Variants in ABCB4 observed in about 807,000 individuals in gnomAD.
The protein encoded by ABCB4 is phosphatidylcholine translocator ABCB4.
ABCB4 carries 76 observed loss-of-function variants against 145.7 expected under a neutral mutation model. The ratio of observed to expected loss-of-function variants is 0.52; its 90% CI spans 0.43 to 0.63. The LOEUF (loss-of-function observed/expected upper bound fraction) is 0.63, where lower values mean the gene tolerates loss of function less well. ABCB4 is among the 30% of genes least tolerant of loss of function. ABCB4 has a pLI of 0.00. For synonymous variants in ABCB4, 517 were observed against 566.8 expected (o/e 0.91, Z 1.25); for missense variants, 1,234 against 1,553.1 (o/e 0.79, Z 3.45).
chr7:87,400,754 C>T (rs1481137433), downstream of ABCB4, among the ~76,000 whole-genome samples: 1 of 152,214 alleles, frequency 6.6e-6, no homozygotes, highest in African/African-American at 2.4e-5. Flanking sequence ...ACTTGGGATG[C>T]TCAGCCAGTG....
chr7:87,429,876 T>C (rs922654544), intron 15 of ABCB4, among the ~76,000 whole-genome samples: 7 of 151,164 alleles, frequency 4.6e-5, no homozygotes, highest in Admixed American at 4.0e-4. Flanking sequence ...GTAACCACCA[T>C]TTATCATCAT....
the ABCB4 span, chr7:87,391,804 T>G: frequency 7.8e-7 from 1 of 1,279,712 alleles, no homozygotes; most frequent in African/African-American, 1.6e-5. Context: ...TTGCTTCAGT[T>G]TTCCTGGATC....
intron 8 of ABCB4, among the ~76,000 whole-genome samples, chr7:87,449,456 C>G (rs971369352): frequency 6.6e-6 from 1 of 151,074 alleles, no homozygotes; most frequent in Non-Finnish European, 1.5e-5. Context: ...AAAATTTTTA[C>G]TCTTTTTTTG....
chr7:87,457,185 G>A (rs941366879), intron 4 of ABCB4, among the ~76,000 whole-genome samples: 4 of 152,152 alleles, frequency 2.6e-5, no homozygotes, highest in African/African-American at 9.7e-5. Context: ...TTGGGAGGCT[G>A]AGGCGGGAGG....
chr7:87,369,371 TC>T, the ABCB4 span: 1 of 1,591,286 alleles, frequency 6.3e-7, no homozygotes, highest in Non-Finnish European at 8.6e-7. Context: ...TGTTTCTGTT[TC>T]CAGAGAGTGA....
chr7:87,459,218 A>G (rs1812296593), intron 4 of ABCB4, among the ~76,000 whole-genome samples: 1 of 152,174 alleles, frequency 6.6e-6, no homozygotes, highest in Non-Finnish European at 1.5e-5. Flanking sequence ...TGTTAAGTAT[A>G]TTCACACTGT....
chr7:87,413,618 T>C lies in ABCB4; in HGVS notation c.2782A>G (p.Arg928Gly), dbSNP rs2116424316. The C allele has an allele frequency of 6.3e-7, 1 of 1,581,026 alleles. No homozygotes were observed. The highest frequency in any genetic ancestry group is 8.7e-7 in the Non-Finnish European group (1 of 1,151,166). The change falls in exon 22 of 28, where the codon AGG (arginine) becomes GGG (glycine). Residue 928 changes from arginine to glycine, a missense_variant and splice_region_variant. Arg to Gly is a moderately radical substitution (Grantham distance 125, BLOSUM62 -2). This residue lies in a region of ABCB4 where 301 missense variants were observed against 389.0 expected (regional missense o/e 0.77). Coordinates refer to ENST00000649586, the MANE Select transcript of ABCB4 (RefSeq NM_000443.4). ...MYVEKLYGPY[R>G]NSVQKAHIYG... is the part of the protein sequence containing the mutation. ...AGCAGGAATCATATGGTTCATTACC[T>C]GTAAGGTCCATACAATTTTTCAACA...
At position 87,439,806 on chromosome 7, in the gene ABCB4, G is replaced by A. The variant is rs144302326; in HGVS notation, c.1592C>T (p.Ala531Val). Residue 531 changes from alanine (A) to valine (V), a missense_variant, in exon 14 of 28, where the codon GCC becomes GTC. Ala to Val is a moderately conservative substitution (Grantham distance 64). This residue lies in a region of ABCB4 where 467 missense variants were observed against 632.8 expected (regional missense o/e 0.74). Transcript: ENST00000649586. ...KFDTLVGERG[A>V]QLSGGQKQRI... is the part of the protein sequence containing the mutation. ...CTGCTTCTGCCCACCACTCAGCTGG[G>A]CCCCTCTCTCTCCAACCAGGGTGTC... 3.1e-5 allele frequency: 50 copies of A among 1,614,040 alleles called. No homozygotes were observed. The highest frequency in any genetic ancestry group is 3.9e-5 in the Non-Finnish European group (46 of 1,180,044).
intron 3 of ABCB4, among the ~76,000 whole-genome samples, chr7:87,466,643 CAG>C (rs1812926137): frequency 6.6e-6 from 1 of 152,104 alleles, no homozygotes; most frequent in Non-Finnish European, 1.5e-5. Flanking sequence ...TAAGAGCATG[CAG>C]AGAGAAAGGT....
At chr7:87,374,442 G>A in the ABCB4 span, among the ~76,000 whole-genome samples, 1 of 152,040 alleles carries the variant, frequency 6.6e-6, no homozygotes, top group Non-Finnish European at 1.5e-5. Flanking sequence ...GTGCTTTGAG[G>A]TAGTTGGTAA....
chr7:87,445,286 C>T (rs1811269928), intron 9 of ABCB4, among the ~76,000 whole-genome samples: 2 of 152,136 alleles, frequency 1.3e-5, no homozygotes, highest in African/African-American at 4.8e-5. Context: ...TTATTCCATC[C>T]TATATGATTT....
chr7:87,467,588 A>G (rs1261874230), intron 3 of ABCB4, among the ~76,000 whole-genome samples: 1 of 152,254 alleles, frequency 6.6e-6, no homozygotes, highest in Non-Finnish European at 1.5e-5. Context: ...TCAACAGAAT[A>G]TACATTCTTC....
At position 87,412,047 on chromosome 7, in the gene ABCB4, C is replaced by A; in HGVS notation, c.2784-14G>T. The stretch of plus-strand genomic sequence containing the variant: ...TGCACAGAATTCCTGAAAAGCAAAT[C>A]AGTATACTTGTAACCATCTCTTCAG... On this transcript the variant is annotated splice_polypyrimidine_tract_variant and intron_variant, in intron 22 of 27. Coordinates refer to ENST00000649586, the MANE Select transcript of ABCB4 (RefSeq NM_000443.4). 1 of 1,613,348 alleles carries A rather than the reference C, an allele frequency of 6.2e-7. No homozygotes were observed. The highest frequency in any genetic ancestry group is 1.1e-5 in the South Asian group (1 of 90,988).
chr7:87,391,769 C>T, the ABCB4 span: 32 of 1,551,634 alleles, frequency 2.1e-5, no homozygotes, highest in East Asian at 3.1e-4. Context: ...CTAAAGGAAC[C>T]GTGGTCTTTG....
the ABCB4 span, chr7:87,369,424 G>A: frequency 1.9e-5 from 30 of 1,613,008 alleles, no homozygotes; most frequent in South Asian, 6.6e-5. Flanking sequence ...TGTCGAGGCC[G>A]AGCTTTTGTC....
the ABCB4 span, among the ~76,000 whole-genome samples, chr7:87,380,751 A>C: frequency 5.9e-5 from 9 of 152,298 alleles, no homozygotes; most frequent in East Asian, 1.5e-3. Context: ...CACTCTTGCT[A>C]TTTCCTACTG....
the ABCB4 span, among the ~76,000 whole-genome samples, chr7:87,369,922 TA>T: frequency 1.3e-5 from 2 of 151,170 alleles, no homozygotes; most frequent in East Asian, 3.9e-4. Flanking sequence ...TCAAAATGTA[TA>T]GGGGATTATA....
At chr7:87,392,659 AT>A in the ABCB4 span, 1 of 1,611,758 alleles carries the variant, frequency 6.2e-7, no homozygotes, top group Non-Finnish European at 8.5e-7. Flanking sequence ...TTAAGTTAAA[AT>A]TTTTCTGACT....
chr7:87,426,701 T>C (rs1809835889), intron 16 of ABCB4, 49 bp downstream of exon 16: 2 of 1,567,182 alleles, frequency 1.3e-6, no homozygotes, highest in African/African-American at 1.4e-5. Flanking sequence ...TCAATAATTG[T>C]AGCAAAACTA....
Sources: allele counts gnomAD v4.1 joint callset (sites outside exome capture counted in the v4.1 genomes callset), GRCh38; gene constraint gnomAD v4.1.1; regional missense constraint gnomAD v4.1.1; transcripts MANE v1.5; gene names NCBI Gene and HGNC (gene_info 2026-07-23, HGNC 2026-07-21).